RHAG: variants seen among roughly 807,000 people sequenced by gnomAD.
The protein encoded by RHAG is Rh associated glycoprotein.
Under a neutral mutation model 42.4 loss-of-function variants are expected in RHAG, and 25 were observed. That is an observed-to-expected ratio of 0.59 (90% confidence interval 0.43 to 0.82). RHAG has a LOEUF of 0.82. Among genes scored for constraint, RHAG ranks in the 40% least tolerant of loss-of-function variants. The pLI, the probability that RHAG is intolerant of heterozygous loss-of-function variation, is 0.00. For synonymous variants in RHAG, 182 were observed against 177.7 expected (o/e 1.02, Z -0.19); for missense variants, 483 against 504.6 (o/e 0.96, Z 0.41).
chr6:49,634,590 TA>T (rs969286649), intron 1 of RHAG, among the ~76,000 whole-genome samples: 22 of 151,258 alleles, frequency 1.5e-4, no homozygotes, highest in East Asian at 3.9e-4. Context: ...GATGAATAGA[TA>T]AAAAAAAATG....
rs750314135 is a variant in RHAG, at chr6:49,607,130, T to C, written c.1138+20A>G. On this transcript the variant is annotated intron_variant, in intron 8 of 9. Transcript: ENST00000371175. ...TCTGAGAGCATAAGATACAGGGAAG[T>C]GTTCACTTTTTATGCTGACCTGTCA... is the stretch of plus-strand genomic sequence containing the variant. 36 of 1,592,842 alleles carry C rather than the reference T, an allele frequency of 2.3e-5. No homozygotes were observed. Among genetic ancestry groups the C allele is most frequent in the Non-Finnish European group, 3.0e-5 (35 of 1,161,036 alleles).
intron 9 of RHAG, 60 bp downstream of exon 9, chr6:49,606,788 T>G (rs1762475339): frequency 4.4e-6 from 5 of 1,140,508 alleles, no homozygotes; most frequent in Non-Finnish European, 6.7e-6. Flanking sequence ...GCTTGAAGTG[T>G]GTAAAGCTTT....
chr6:49,614,653 G>C lies in RHAG; in HGVS notation c.807+34C>G, dbSNP rs201981064. On this transcript the variant is annotated intron_variant, in intron 5 of 9. Coordinates refer to ENST00000371175, the MANE Select transcript of RHAG (RefSeq NM_000324.3). ...TCTGAGCAACTGTCAGTGTTGTGAAGCAAAATTTCCATGAGGGCTAAGGCG... is the reference window on the plus strand; with the variant it reads ...TCTGAGCAACTGTCAGTGTTGTGAACCAAAATTTCCATGAGGGCTAAGGCG... 6.8e-6 allele frequency: 11 copies of C among 1,609,098 alleles called. No individual in the cohort carries two copies. The African/African-American group carries it at 1.3e-4, about 20-fold the overall frequency.
rs1220378046 is a variant in RHAG, at chr6:49,636,778, A to G, written c.35T>C (p.Leu12Pro). 3 of 1,613,986 alleles carry G rather than the reference A, an allele frequency of 1.9e-6. No individual in the cohort carries two copies. The highest frequency in any genetic ancestry group is 2.5e-6 in the Non-Finnish European group (3 of 1,179,808). The change falls in exon 1 of 10, where the codon CTG becomes CCG. Residue 12 changes from leucine to proline, a missense_variant. Coordinates refer to ENST00000371175, the MANE Select transcript of RHAG (RefSeq NM_000324.3). ...RFTFPLMAIV[L>P]EIAMIVLFGL... ...AAATAAAACAATCATGGCAATTTCC[A>G]GGACTATAGCCATGAGAGGGAATGT...
chr6:49,611,040 T>C lies in RHAG; in HGVS notation c.1051A>G (p.Met351Val). The stretch of plus-strand genomic sequence containing the variant: ...TTTACTCACGTGTTGGAGGCGCCCA[T>C]TGCTACTGCCACAATGCCTGCAAGG... Reference protein sequence around the residue: ...GGLAGIVAVAMGASNTSMAMQ... With the variant: ...GGLAGIVAVAVGASNTSMAMQ... The change falls in exon 7 of 10, where the codon ATG (methionine) becomes GTG (valine). Residue 351 changes from methionine to valine, a missense_variant. By Grantham distance (21) the Met-to-Val change is conservative. Transcript: ENST00000371175. 1 of 1,613,836 alleles carries C rather than the reference T, an allele frequency of 6.2e-7. No individual in the cohort carries two copies. Among genetic ancestry groups the C allele is most frequent in the Non-Finnish European group, 8.5e-7 (1 of 1,179,802 alleles).
chr6:49,617,981 G>A (rs1762681972), intron 3 of RHAG, 87 bp downstream of exon 3: 2 of 1,165,946 alleles, frequency 1.7e-6, no homozygotes, highest in South Asian at 1.3e-5. Context: ...ACCAAGATTT[G>A]CTCCCATATA....
At chr6:49,620,443 C>T (rs1762734227) in intron 1 of RHAG, among the ~76,000 whole-genome samples, 1 of 151,986 alleles carries the variant, frequency 6.6e-6, no homozygotes, top group South Asian at 2.1e-4. Flanking sequence ...GGAAATAGTC[C>T]TTCGATCTGA....
At chr6:49,634,632 G>A (rs1380527618) in intron 1 of RHAG, among the ~76,000 whole-genome samples, 2 of 151,940 alleles carry the variant, frequency 1.3e-5, no homozygotes, top group African/African-American at 2.4e-5. Context: ...ATCCCATTTT[G>A]TTTGTTTTAT....
At chr6:49,610,679 C>T (rs982788620) in intron 7 of RHAG, among the ~76,000 whole-genome samples, 1 of 152,118 alleles carries the variant, frequency 6.6e-6, no homozygotes, top group Non-Finnish European at 1.5e-5. Flanking sequence ...CTGTTCAGCT[C>T]ATCATATGTG....
chr6:49,634,636 G>A (rs1762980549), intron 1 of RHAG, among the ~76,000 whole-genome samples: 1 of 151,916 alleles, frequency 6.6e-6, no homozygotes, highest in East Asian at 1.9e-4. Context: ...CATTTTGTTT[G>A]TTTTATTCAC....
At chr6:49,610,625 A>G (rs960925995) in intron 7 of RHAG, among the ~76,000 whole-genome samples, 12 of 152,116 alleles carry the variant, frequency 7.9e-5, no homozygotes, top group Non-Finnish European at 1.3e-4. Flanking sequence ...TGCTTTCTGT[A>G]TTATTCCAAC....
intron 3 of RHAG, among the ~76,000 whole-genome samples, chr6:49,616,354 CAAA>C (rs34416373): frequency 2.6e-4 from 28 of 108,778 alleles, no homozygotes; most frequent in East Asian, 8.6e-4. Context: ...AATCTCAAAC[CAAA>C]AAAAAAAAAA....
At chr6:49,615,848 T>C (rs1161745676) in intron 3 of RHAG, 77 bp from the exon 4 acceptor site, 1 of 1,430,034 alleles carries the variant, frequency 7.0e-7, no homozygotes, top group South Asian at 1.2e-5. Flanking sequence ...AATGAAAGAA[T>C]TGCATTGTTG....
At chr6:49,623,319 G>A (rs1287663102) in intron 1 of RHAG, among the ~76,000 whole-genome samples, 3 of 152,098 alleles carry the variant, frequency 2.0e-5, no homozygotes, top group Non-Finnish European at 2.9e-5. Flanking sequence ...TAATGATTCC[G>A]TGTGAAATAT....
intron 1 of RHAG, among the ~76,000 whole-genome samples, chr6:49,622,836 TTTTTTTTG>T (rs1762784277): frequency 6.8e-6 from 1 of 147,182 alleles, no homozygotes; most frequent in Admixed American, 6.7e-5. Flanking sequence ...CAGACTTTTT[TTTTTTTTG>T]TTTTGTTTTG....
intron 7 of RHAG, among the ~76,000 whole-genome samples, chr6:49,608,263 G>T (rs1470717193): frequency 6.6e-6 from 1 of 152,102 alleles, no homozygotes; most frequent in East Asian, 1.9e-4. Context: ...GTTGCTTCCA[G>T]TGTTTCATAT....
chr6:49,636,761 C>T lies in RHAG; in HGVS notation c.52G>A (p.Val18Ile), dbSNP rs773607890. 1 of 1,613,898 alleles carries T rather than the reference C, an allele frequency of 6.2e-7. No homozygotes were observed. Among genetic ancestry groups the T allele is most frequent in the Non-Finnish European group, 8.5e-7 (1 of 1,179,822 alleles). Residue 18 changes from valine to isoleucine, a missense_variant, in exon 1 of 10, where the codon GTT (valine) becomes ATT (isoleucine). Transcript: ENST00000371175. Reference protein sequence around the residue: ...MAIVLEIAMIVLFGLFVEYET... With the variant: ...MAIVLEIAMIILFGLFVEYET... ...TACTCAACAAATAATCCAAATAAAACAATCATGGCAATTTCCAGGACTATA... is the reference window on the plus strand; with the variant it reads ...TACTCAACAAATAATCCAAATAAAATAATCATGGCAATTTCCAGGACTATA...
intron 1 of RHAG, among the ~76,000 whole-genome samples, chr6:49,620,189 G>A (rs913116274): frequency 2.6e-5 from 4 of 152,172 alleles, no homozygotes; most frequent in African/African-American, 9.7e-5. Flanking sequence ...CCCTGGGCAA[G>A]TCACTTACTC....
At position 49,605,510 on chromosome 6, in the gene RHAG, C is replaced by T. The variant is rs1306485797; in HGVS notation, c.*303G>A. On this transcript the variant is annotated 3_prime_UTR_variant, in exon 10 of 10. Transcript: ENST00000371175. ...CTGACATGTTTACTCTGTATTTACT[C>T]ACTGCCAAAAGCTTTTTGGGAATCC... The T allele has an allele frequency of 4.7e-5, 22 of 463,820 alleles. No individual in the cohort carries two copies. The East Asian group carries it at 9.3e-4, about 20-fold the overall frequency. 28.7% of individuals were successfully genotyped at this position (463,820 alleles called of 1,614,324 possible). A position where few individuals can be genotyped will look rare whatever the true frequency, so the allele number is the denominator to read the frequency against.
Sources: gnomAD v4.1 joint callset for allele counts (sites outside exome capture counted in the v4.1 genomes callset) on GRCh38, gnomAD v4.1.1 for gene constraint, MANE v1.5 for transcripts, NCBI Gene and HGNC (gene_info 2026-07-23, HGNC 2026-07-21) for gene names.